The following PIEZO2 variants were observed in gnomAD, a reference collection of about 807,000 sequenced individuals.
PIEZO2 encodes piezo-type mechanosensitive ion channel component 2.
Under a neutral mutation model 337.3 loss-of-function variants are expected in PIEZO2, and 172 were observed. That is an observed-to-expected ratio of 0.51 (90% CI 0.45 to 0.58). The LOEUF is 0.58. PIEZO2 is among the 20% of genes least tolerant of loss of function. PIEZO2 has a pLI of 0.00. For missense variants in PIEZO2, 3,028 were observed against 3,391.3 expected (o/e 0.89, Z 2.66); for synonymous variants, 1,251 against 1,228.5 (o/e 1.02, Z -0.38).
At position 11,111,441 on chromosome 18, in the gene PIEZO2, G is replaced by A. The variant is rs777877031; in HGVS notation, c.64+37084C>T. 3.3e-5 allele frequency among the ~76,000 whole-genome samples: 5 copies of A among 152,132 alleles called. No homozygotes were observed. Among genetic ancestry groups the A allele is most frequent in the Non-Finnish European group, 7.4e-5 (5 of 68,026 alleles). On this transcript the variant is annotated intron_variant, in intron 1 of 55. Transcript: ENST00000674853. The surrounding 1 kb of genome is among the most constrained non-coding windows in gnomAD (Gnocchi z 6.2). ...TCTTTTTAAAAAATTATACCATCTGGCAAAACTAGGCTCACGTGGCACGTG... is the reference window on the plus strand; with the variant it reads ...TCTTTTTAAAAAATTATACCATCTGACAAAACTAGGCTCACGTGGCACGTG...
intron 37 of PIEZO2, among the ~76,000 whole-genome samples, chr18:10,717,558 C>A (rs2036063931): frequency 6.6e-6 from 1 of 152,266 alleles, no homozygotes; most frequent in Non-Finnish European, 1.5e-5. Flanking sequence ...GGCTAGAGAG[C>A]ATCGAGTTCA....
At chr18:10,706,960 G>GATGA (rs372228456) in intron 40 of PIEZO2, among the ~76,000 whole-genome samples, 6 of 152,100 alleles carry the variant, frequency 3.9e-5, no homozygotes, top group African/African-American at 7.2e-5. Flanking sequence ...TAGACATATG[G>GATGA]ATGAATGAAT....
At chr18:10,782,404 TATA>T (rs1367647505) in intron 17 of PIEZO2, among the ~76,000 whole-genome samples, 1 of 42,356 alleles carries the variant, frequency 2.4e-5, no homozygotes, top group East Asian at 4.2e-4. Flanking sequence ...TAAATAATTA[TATA>T]ATATATTATA....
chr18:10,729,582 C>T (rs1156534655), intron 36 of PIEZO2, among the ~76,000 whole-genome samples: 3 of 148,132 alleles, frequency 2.0e-5, no homozygotes, highest in Non-Finnish European at 4.4e-5. Flanking sequence ...CGAGATCACC[C>T]CACTGCACTC....
Position 11,028,933 on chromosome 18 carries a change from T to C in PIEZO2, c.160+37194A>G, listed in dbSNP as rs2036633925. Among the ~76,000 whole-genome samples the C allele has an allele frequency of 6.6e-6, 1 of 152,160 alleles. No individual in the cohort carries two copies. The highest frequency in any genetic ancestry group is 1.5e-5 in the Non-Finnish European group (1 of 68,032). On this transcript the variant is annotated intron_variant, in intron 2 of 55. Coordinates refer to ENST00000674853, the MANE Select transcript of PIEZO2 (RefSeq NM_001378183.1). This position sits in a 1 kb window ranked among gnomAD's most constrained non-coding sequence, Gnocchi z 4.8. ...GAGTTGAAAAAAAATTTAGATAAGATGGCATGGAACATTTTACCTTGCATC... is the reference window on the plus strand; with the variant it reads ...GAGTTGAAAAAAAATTTAGATAAGACGGCATGGAACATTTTACCTTGCATC...
chr18:10,953,465 T>C lies in PIEZO2; in HGVS notation c.286+26070A>G, dbSNP rs1172408383. ...AAGAATTTAAGTTCTTTTTTTAATA[T>C]AAAAAAACACTATTGTTGAAAAGTG... On this transcript the variant is annotated intron_variant, in intron 3 of 55. Transcript: ENST00000674853. The surrounding 1 kb of genome is among the most constrained non-coding windows in gnomAD (Gnocchi z 5.2). Among the ~76,000 whole-genome samples, 1 of 152,158 alleles carries C rather than the reference T, an allele frequency of 6.6e-6. No homozygotes were observed. Among genetic ancestry groups the C allele is most frequent in the East Asian group, 1.9e-4 (1 of 5,190 alleles).
rs1017309760 is a variant in PIEZO2 at position 10,899,003 on chromosome 18, G to A, written c.329+12183C>T. 1.1e-4 allele frequency among the ~76,000 whole-genome samples: 17 copies of A among 152,200 alleles called. No individual in the cohort carries two copies. The highest frequency in any genetic ancestry group is 1.6e-4 in the Non-Finnish European group (11 of 68,042). On this transcript the variant is annotated intron_variant, in intron 4 of 55. Transcript: ENST00000674853. This position sits in a 1 kb window ranked among gnomAD's most constrained non-coding sequence, Gnocchi z 4.6. ...CAACTGACGCCAAGAAAGGCAGGGA[G>A]GCAGAGAATACAACATGTATTTAGG...
chr18:11,077,980 G>T lies in PIEZO2; in HGVS notation c.65-11758C>A, dbSNP rs1035912214. 6.6e-6 allele frequency among the ~76,000 whole-genome samples: 1 copy of T among 151,636 alleles called. No individual in the cohort carries two copies. Among genetic ancestry groups the T allele is most frequent in the Non-Finnish European group, 1.5e-5 (1 of 67,926 alleles). On this transcript the variant is annotated intron_variant, in intron 1 of 55. Transcript: ENST00000674853. This position sits in a 1 kb window ranked among gnomAD's most constrained non-coding sequence, Gnocchi z 4.8. The stretch of plus-strand genomic sequence containing the variant: ...AACAGCAATGGAAAAAGGGGTGACA[G>T]CCAAGGCCACAATACACACACATAC...
chr18:10,734,778 T>C (rs1781157919), intron 35 of PIEZO2, among the ~76,000 whole-genome samples: 1 of 152,174 alleles, frequency 6.6e-6, no homozygotes, highest in African/African-American at 2.4e-5. Flanking sequence ...GTGCAGAAAC[T>C]GGAAGACGGA....
chr18:10,814,267 T>G (rs568052536), intron 7 of PIEZO2, among the ~76,000 whole-genome samples: 217 of 152,086 alleles, frequency 1.4e-3, no homozygotes, highest in Non-Finnish European at 1.2e-3. Context: ...CCGTGCCCCG[T>G]CCCATACTTT....
intron 4 of PIEZO2, among the ~76,000 whole-genome samples, chr18:10,876,507 C>T (rs962502041): frequency 7.9e-5 from 12 of 152,156 alleles, no homozygotes; most frequent in African/African-American, 2.9e-4. Context: ...CCTACCTTCT[C>T]TATACATTTA....
At chr18:11,029,696 C>T (rs948134144) in intron 2 of PIEZO2, among the ~76,000 whole-genome samples, 4 of 152,080 alleles carry the variant, frequency 2.6e-5, no homozygotes, top group African/African-American at 9.7e-5. Context: ...TTTTTTGTGT[C>T]TCAGGGCCTT....
At position 10,969,795 on chromosome 18, in the gene PIEZO2, C is replaced by T. The variant is rs1275031340; in HGVS notation, c.286+9740G>A. ...AAGAGAGGGCATGGGTGCACTTAGC[C>T]GCTCTCCTCAATTGTTTACTTGCAG... On this transcript the variant is annotated intron_variant, in intron 3 of 55. Transcript: ENST00000674853. The surrounding 1 kb of genome is among the most constrained non-coding windows in gnomAD (Gnocchi z 4.5). Among the ~76,000 whole-genome samples the T allele has an allele frequency of 2.0e-5, 3 of 151,982 alleles. No individual in the cohort carries two copies. Among genetic ancestry groups the T allele is most frequent in the South Asian group, 2.1e-4 (1 of 4,796 alleles).
At chr18:10,729,636 A>AAG (rs937889792) in intron 36 of PIEZO2, among the ~76,000 whole-genome samples, 3 of 151,028 alleles carry the variant, frequency 2.0e-5, no homozygotes, top group Non-Finnish European at 3.0e-5. Flanking sequence ...AAAAAAAAAA[A>AAG]AAAGAAAAGA....
At chr18:10,693,529 A>G (rs1388499348) in intron 47 of PIEZO2, among the ~76,000 whole-genome samples, 1 of 134,302 alleles carries the variant, frequency 7.4e-6, no homozygotes, top group African/African-American at 2.7e-5. Context: ...GACACCACAT[A>G]AGGCATTTTT....
intron 3 of PIEZO2, among the ~76,000 whole-genome samples, chr18:10,915,623 ATATT>A (rs2030875258): frequency 6.6e-6 from 1 of 152,142 alleles, no homozygotes; most frequent in Non-Finnish European, 1.5e-5. Flanking sequence ...AGCTTCCTAT[ATATT>A]AGCTAACTTA....
Position 10,726,657 on chromosome 18 carries a change from G to A in PIEZO2, c.5029+4750C>T. 3 of 1,423,834 alleles carry A rather than the reference G, an allele frequency of 2.1e-6. No individual in the cohort carries two copies. Among genetic ancestry groups the A allele is most frequent in the African/African-American group, 1.4e-5 (1 of 69,288 alleles). 88.2% of individuals were successfully genotyped at this position (1,423,834 alleles called of 1,614,324 possible). A position where few individuals can be genotyped will look rare whatever the true frequency, so the allele number is the denominator to read the frequency against. On this transcript the variant is annotated intron_variant, in intron 36 of 55. Transcript: ENST00000674853. This position sits in a 1 kb window ranked among gnomAD's most constrained non-coding sequence, Gnocchi z 5.9. ...ACTGCGCGCGCGCCAAGCGCGGCCA[G>A]ACAGACACCTCGCTGCCAAGTTAAT...
Position 10,748,762 on chromosome 18 carries a change from T to G in PIEZO2, c.4265-132A>C. 2 of 798,448 alleles carry G rather than the reference T, an allele frequency of 2.5e-6. No homozygotes were observed. Among genetic ancestry groups the G allele is most frequent in the Non-Finnish European group, 3.7e-6 (2 of 534,476 alleles). 49.5% of individuals were successfully genotyped at this position (798,448 alleles called of 1,614,324 possible). On this transcript the variant is annotated intron_variant, in intron 29 of 55. Coordinates refer to ENST00000674853, the MANE Select transcript of PIEZO2 (RefSeq NM_001378183.1). The surrounding 1 kb of genome is among the most constrained non-coding windows in gnomAD (Gnocchi z 5.1). ...GCATTCTGATGCTCTGACTTACTTATGAGTTGATTTATTTACAAGGAGATC... is the reference window on the plus strand; with the variant it reads ...GCATTCTGATGCTCTGACTTACTTAGGAGTTGATTTATTTACAAGGAGATC...
At position 10,671,851 on chromosome 18, in the gene PIEZO2, GA is replaced by G. The variant is rs1170477282; in HGVS notation, c.8346-73del. 9 of 1,314,404 alleles carry G rather than the reference GA, an allele frequency of 6.8e-6. No homozygotes were observed. In the East Asian group the frequency reaches 7.6e-5, roughly 11 times the overall value. The allele number at this position is 1,314,404 out of a possible 1,614,324, so 81.4% of individuals were successfully genotyped here. On this transcript the variant is annotated intron_variant, in intron 55 of 55. Coordinates refer to ENST00000674853, the MANE Select transcript of PIEZO2 (RefSeq NM_001378183.1). ...TTAATAAAGAAAAGCATGTCTAAAA[GA>G]AAAAAATATTACTTTCCCTCAAATT... is the stretch of plus-strand genomic sequence containing the variant.
Sources: allele counts gnomAD v4.1 joint callset (sites outside exome capture counted in the v4.1 genomes callset), GRCh38; gene constraint gnomAD v4.1.1; non-coding constraint Gnocchi (gnomAD v3.1); transcripts MANE v1.5; gene names NCBI Gene and HGNC (gene_info 2026-07-23, HGNC 2026-07-21).